Variants in WDFY2 observed in about 807,000 individuals in gnomAD.
WDFY2 encodes WD repeat and FYVE domain containing 2.
Under a neutral mutation model 56.4 loss-of-function variants are expected in WDFY2, and 36 were observed. That is an observed-to-expected ratio of 0.64 (90% CI 0.49 to 0.84). The LOEUF (loss-of-function observed/expected upper bound fraction) is 0.84, where lower values mean the gene tolerates loss of function less well. Among genes scored for constraint, WDFY2 ranks in the 40% least tolerant of loss-of-function variants. The pLI is 0.00. For synonymous variants in WDFY2, 176 were observed against 183.7 expected (o/e 0.96, Z 0.34); for missense variants, 444 against 512.2 (o/e 0.87, Z 1.29).
intron 1 of WDFY2, among the ~76,000 whole-genome samples, chr13:51,616,573 G>A (rs143586541): frequency 1.2e-3 from 184 of 152,220 alleles, no homozygotes; most frequent in Middle Eastern, 3.4e-3. Flanking sequence ...GGCTAACTGA[G>A]GCTCTACCAA....
intron 2 of WDFY2, among the ~76,000 whole-genome samples, chr13:51,670,261 G>A (rs1036279247): frequency 3.3e-5 from 5 of 151,956 alleles, no homozygotes; most frequent in Non-Finnish European, 5.9e-5. Context: ...GTTAATTTCT[G>A]GTGAGTTGAA....
chr13:51,622,559 G>A (rs771563031), intron 1 of WDFY2, among the ~76,000 whole-genome samples: 1 of 152,222 alleles, frequency 6.6e-6, no homozygotes, highest in Non-Finnish European at 1.5e-5. Context: ...CAAATTCTGA[G>A]CCTGGTGGAG....
chr13:51,740,871 C>G (rs552169862), intron 7 of WDFY2, among the ~76,000 whole-genome samples: 1 of 152,284 alleles, frequency 6.6e-6, no homozygotes, highest in African/African-American at 2.4e-5. Flanking sequence ...CATTTCACTC[C>G]TAACTAGTTT....
At chr13:51,706,108 G>A (rs561726350) in intron 4 of WDFY2, among the ~76,000 whole-genome samples, 1 of 152,214 alleles carries the variant, frequency 6.6e-6, no homozygotes, top group South Asian at 2.1e-4. Context: ...TTTCATATAA[G>A]TTCATTTTAT....
intron 1 of WDFY2, chr13:51,587,462 T>C (rs1229029896): frequency 3.3e-5 from 5 of 152,228 alleles, no homozygotes; most frequent in African/African-American, 1.2e-4. Flanking sequence ...TGTAGACTTT[T>C]AGTTGATATT....
chr13:51,707,939 C>CTTGTTT (rs1952120591), intron 4 of WDFY2, among the ~76,000 whole-genome samples: 1 of 57,570 alleles, frequency 1.7e-5, no homozygotes, highest in Non-Finnish European at 3.0e-5. Flanking sequence ...CCTAAAACAA[C>CTTGTTT]TTTTTTTTTT....
At chr13:51,613,926 C>T (rs527634349) in intron 1 of WDFY2, among the ~76,000 whole-genome samples, 1 of 152,226 alleles carries the variant, frequency 6.6e-6, no homozygotes, top group East Asian at 1.9e-4. Context: ...TGTAATCATG[C>T]CTGTAATCCC....
chr13:51,622,249 A>G (rs893141111), intron 1 of WDFY2, among the ~76,000 whole-genome samples: 3 of 152,190 alleles, frequency 2.0e-5, no homozygotes, highest in Admixed American at 6.5e-5. Context: ...AAGAATGTTT[A>G]AGTGGAGCAG....
rs137924049 is a variant in WDFY2 at position 51,673,530 on chromosome 13, T to C, written c.206-1640T>C. On this transcript the variant is annotated intron_variant, in intron 2 of 11. Coordinates refer to ENST00000298125, the MANE Select transcript of WDFY2 (RefSeq NM_052950.4). ...TCTTGTCATTTGAACACAAGAATAA[T>C]TTTTCCATGTATCCTGTACTTATGT... Among the ~76,000 whole-genome samples the C allele has an allele frequency of 1.3e-3, 200 of 152,348 alleles. 1 individual carries two copies. Among genetic ancestry groups the C allele is most frequent in the African/African-American group, 4.7e-3 (195 of 41,574 alleles).
chr13:51,749,763 A>G (rs1953186230), intron 7 of WDFY2, among the ~76,000 whole-genome samples: 1 of 151,782 alleles, frequency 6.6e-6, no homozygotes, highest in South Asian at 2.1e-4. Context: ...GAAATTATCT[A>G]GGTATCCAAT....
chr13:51,677,901 T>C (rs1384319186), intron 3 of WDFY2, among the ~76,000 whole-genome samples: 1 of 152,162 alleles, frequency 6.6e-6, no homozygotes, highest in Non-Finnish European at 1.5e-5. Flanking sequence ...AGTTTTGCGA[T>C]ATAGGAGAGG....
At chr13:51,674,168 C>T (rs1002395214) in intron 2 of WDFY2, among the ~76,000 whole-genome samples, 2 of 151,874 alleles carry the variant, frequency 1.3e-5, no homozygotes, top group South Asian at 2.1e-4. Flanking sequence ...TAATCATACC[C>T]GTGAAAAGTA....
intron 7 of WDFY2, among the ~76,000 whole-genome samples, chr13:51,745,914 C>T (rs1365697071): frequency 6.6e-6 from 1 of 150,700 alleles, no homozygotes; most frequent in Admixed American, 6.6e-5. Flanking sequence ...AAATTCACTT[C>T]TACCTGGAAG....
intron 1 of WDFY2, among the ~76,000 whole-genome samples, chr13:51,641,305 C>T (rs1178247787): frequency 1.3e-5 from 2 of 151,940 alleles, no homozygotes; most frequent in Admixed American, 6.5e-5. Context: ...CTCCTGACTT[C>T]GTGATCACCC....
chr13:51,684,910 CCAAAGTTCTATA>C (rs1483999876), intron 3 of WDFY2, among the ~76,000 whole-genome samples: 1 of 152,152 alleles, frequency 6.6e-6, no homozygotes, highest in Non-Finnish European at 1.5e-5. Flanking sequence ...CGTCAGATAT[CCAAAGTTCTATA>C]CACATTCCCC....
intron 1 of WDFY2, among the ~76,000 whole-genome samples, chr13:51,633,676 A>G (rs888955814): frequency 1.3e-5 from 2 of 152,168 alleles, no homozygotes; most frequent in Non-Finnish European, 2.9e-5. Flanking sequence ...TAGTTGGATC[A>G]TTTTAGCAAG....
At chr13:51,617,072 C>T (rs151016043) in intron 1 of WDFY2, among the ~76,000 whole-genome samples, 5 of 152,092 alleles carry the variant, frequency 3.3e-5, no homozygotes, top group Non-Finnish European at 7.4e-5. Context: ...AAAATCTCCC[C>T]CACCTCTCAA....
chr13:51,677,190 T>C (rs1955903063), intron 3 of WDFY2, among the ~76,000 whole-genome samples: 1 of 152,224 alleles, frequency 6.6e-6, no homozygotes, highest in South Asian at 2.1e-4. Context: ...TCTTTCCAAG[T>C]ATGTCAGTAC....
intron 1 of WDFY2, among the ~76,000 whole-genome samples, chr13:51,644,387 A>T (rs377311658): frequency 6.6e-6 from 1 of 152,178 alleles, no homozygotes; most frequent in Non-Finnish European, 1.5e-5. Flanking sequence ...CACCTGGTAT[A>T]TGGGTCCAAT....
Sources: gnomAD v4.1 joint callset for allele counts (sites outside exome capture counted in the v4.1 genomes callset) on GRCh38, gnomAD v4.1.1 for gene constraint, MANE v1.5 for transcripts, NCBI Gene and HGNC (gene_info 2026-07-23, HGNC 2026-07-21) for gene names.